LIFR: variants seen among roughly 807,000 people sequenced by gnomAD.
LIFR encodes the protein leukemia inhibitory factor receptor.
A neutral mutation model predicts 122.2 loss-of-function variants in LIFR; 84 were observed. The observed-to-expected ratio is 0.69, with a 90% CI of 0.58 to 0.82. The LOEUF (loss-of-function observed/expected upper bound fraction) is 0.82, where lower values mean the gene tolerates loss of function less well. Ranked by LOEUF, LIFR falls within the 40% of genes least tolerant of loss-of-function variation. LIFR has a pLI of 0.00. For missense variants in LIFR, 1,294 were observed against 1,311.6 expected (o/e 0.99, Z 0.21); for synonymous variants, 422 against 434.7 (o/e 0.97, Z 0.36).
chr5:38,545,350 ATG>A (rs112421759), intron 1 of LIFR, among the ~76,000 whole-genome samples: 3,700 of 151,492 alleles, frequency 0.024, 64 homozygotes, highest in Middle Eastern at 0.034. Flanking sequence ...ACATAAATAT[ATG>A]TGTGTGTGTG....
At chr5:38,578,100 T>C (rs1749445592) in intron 1 of LIFR, among the ~76,000 whole-genome samples, 1 of 152,198 alleles carries the variant, frequency 6.6e-6, no homozygotes. Flanking sequence ...TAGTTTAAAA[T>C]TCAGATTCCT....
chr5:38,556,333 C>G lies in LIFR; in HGVS notation c.-20+1G>C, dbSNP rs1295617760. The G allele has an allele frequency of 6.6e-6, 1 of 152,162 alleles. No individual in the cohort carries two copies. The highest frequency in any genetic ancestry group is 1.5e-5 in the Non-Finnish European group (1 of 68,200). The allele number at this position is 152,162 out of a possible 1,614,324, so 9.4% of individuals were successfully genotyped here. On this transcript the variant is annotated splice_donor_variant, in intron 1 of 19. Transcript: ENST00000453190. LOFTEE classifies it low-confidence loss of function (5UTR_SPLICE). ...CGCGCCCACCCGCCCCCAGGACTCA[C>G]GGTACGCTCCCGCGCCGCTATCTTG...
Position 38,478,989 on chromosome 5 carries a change from C to A in LIFR, c.*2606G>T, listed in dbSNP as rs1743849065. The A allele has an allele frequency of 8.7e-6, 2 of 231,196 alleles. No homozygotes were observed. The highest frequency in any genetic ancestry group is 1.7e-5 in the Non-Finnish European group (2 of 116,768). 14.3% of individuals were successfully genotyped at this position (231,196 alleles called of 1,614,324 possible). A position where few individuals can be genotyped will look rare whatever the true frequency, so the allele number is the denominator to read the frequency against. Reference sequence around the variant, plus strand: ...ACAGAGCACAATCAGTATGAGACCACCTTGTAAATGCAGGCATGCAACCTT... The same window carrying A: ...ACAGAGCACAATCAGTATGAGACCAACTTGTAAATGCAGGCATGCAACCTT... On this transcript the variant is annotated 3_prime_UTR_variant, in exon 20 of 20. Transcript: ENST00000453190.
intron 6 of LIFR, 62 bp from the exon 7 acceptor site, chr5:38,510,780 G>A: frequency 7.1e-7 from 1 of 1,401,108 alleles, no homozygotes; most frequent in Non-Finnish European, 9.9e-7. Context: ...AAACTTTTCT[G>A]CATTTTAAGA....
At chr5:38,561,779 A>C (rs1193895768) in intron 1 of LIFR, among the ~76,000 whole-genome samples, 1 of 152,232 alleles carries the variant, frequency 6.6e-6, no homozygotes, top group Non-Finnish European at 1.5e-5. Flanking sequence ...TTAGAGAATT[A>C]TGAGGAGTAA....
chr5:38,490,095 C>T lies in LIFR; in HGVS notation c.2167+95G>A, dbSNP rs1744500106. On this transcript the variant is annotated intron_variant, in intron 15 of 19. Transcript: ENST00000453190. ...ATTATTTTACCTTCCTTCAATTATA[C>T]ATCTTATTTTTAGAATTCAATCATA... The T allele has an allele frequency of 2.9e-5, 11 of 383,380 alleles. 1 individual carries two copies. In the South Asian group the frequency reaches 3.4e-4, roughly 12 times the overall value. 23.7% of individuals were successfully genotyped at this position (383,380 alleles called of 1,614,324 possible). A position where few individuals can be genotyped will look rare whatever the true frequency, so the allele number is the denominator to read the frequency against.
chr5:38,602,882 A>G (rs1184468447), intron 2 of LIFR, among the ~76,000 whole-genome samples: 1 of 152,142 alleles, frequency 6.6e-6, no homozygotes, highest in Non-Finnish European at 1.5e-5. Flanking sequence ...GCATGCAGAC[A>G]CCTGGGAAAA....
At chr5:38,490,438 G>C in intron 14 of LIFR, 147 bp from the exon 15 acceptor site, 1 of 430,050 alleles carries the variant, frequency 2.3e-6, no homozygotes, top group Non-Finnish European at 4.2e-6. Flanking sequence ...ATATTTTAAA[G>C]ACTAGTAAAT....
At position 38,490,233 on chromosome 5, in the gene LIFR, T is replaced by G; in HGVS notation, c.2124A>C (p.Gly708=). 1 of 1,585,482 alleles carries G rather than the reference T, an allele frequency of 6.3e-7. No homozygotes were observed. ...CAATCATGGAGCGTAATAATTGATA[T>G]CCTTGATTTCTGCATCCATACAGGA... ...NFFLYGCRNQ[G]YQLLRSMIGY... Residue 708 remains glycine, a synonymous_variant, in exon 15 of 20, where the codon GGA becomes GGC. Transcript: ENST00000453190.
chr5:38,502,725 T>G lies in LIFR; in HGVS notation c.1512A>C (p.Leu504=), dbSNP rs1239365534. ...TAGAACAACGAATCCGAAAAGTATA[T>G]AGAGTGTATGGATTTAACTTGTCCA... is the stretch of plus-strand genomic sequence containing the variant. ...VALDKLNPYT[L]YTFRIRCSTE... is the part of the protein sequence containing the mutation. The change falls in exon 11 of 20, where the codon CTA becomes CTC. Residue 504 remains leucine (L), a synonymous_variant. Coordinates refer to ENST00000453190, the MANE Select transcript of LIFR (RefSeq NM_001127671.2). 1.9e-6 allele frequency: 3 copies of G among 1,610,942 alleles called. No individual in the cohort carries two copies. The highest frequency in any genetic ancestry group is 1.3e-5 in the African/African-American group (1 of 74,990).
Position 38,478,888 on chromosome 5 carries a change from A to C in LIFR, c.*2707T>G, listed in dbSNP as rs1208823010. On this transcript the variant is annotated 3_prime_UTR_variant, in exon 20 of 20. Coordinates refer to ENST00000453190, the MANE Select transcript of LIFR (RefSeq NM_001127671.2). ...TATTTTCCCAGTTAGTAAGGGCTGG[A>C]GAGAACACATCTAGCCTCTGCTTCT... 4.4e-6 allele frequency: 1 copy of C among 228,152 alleles called. No individual in the cohort carries two copies. The highest frequency in any genetic ancestry group is 5.7e-5 in the Admixed American group (1 of 17,612). 14.1% of individuals were successfully genotyped at this position (228,152 alleles called of 1,614,324 possible).
intron 1 of LIFR, among the ~76,000 whole-genome samples, chr5:38,535,983 C>A (rs1214530175): frequency 2.0e-5 from 3 of 152,044 alleles, no homozygotes; most frequent in Non-Finnish European, 4.4e-5. Context: ...CTCTGAAAAC[C>A]GTTAGTTCAA....
intron 1 of LIFR, chr5:38,594,940 A>T (rs1213843799): frequency 5.0e-6 from 1 of 198,734 alleles, no homozygotes; most frequent in Non-Finnish European, 1.0e-5. Flanking sequence ...GCGGTGCAGA[A>T]ACTGTACAAC....
upstream of LIFR, among the ~76,000 whole-genome samples, chr5:38,561,186 C>T (rs972180739): frequency 2.6e-5 from 4 of 152,214 alleles, no homozygotes; most frequent in East Asian, 1.9e-4. Context: ...CTTACCTGAG[C>T]GATACTCACA....
At chr5:38,561,353 C>T (rs774293228), upstream of LIFR, among the ~76,000 whole-genome samples, 7 of 151,966 alleles carry the variant, frequency 4.6e-5, no homozygotes, top group Non-Finnish European at 8.8e-5. Flanking sequence ...TTTTGTTTTC[C>T]CTAGCCTTTG....
chr5:38,496,888 A>G (rs1744912125), intron 12 of LIFR, among the ~76,000 whole-genome samples: 1 of 152,058 alleles, frequency 6.6e-6, no homozygotes, highest in Admixed American at 6.5e-5. Flanking sequence ...GAGGCAGGAC[A>G]ATCACTTGAA....
Position 38,523,582 on chromosome 5 carries a change from G to T in LIFR, c.398C>A (p.Ser133Tyr). 1 of 1,610,644 alleles carries T rather than the reference G, an allele frequency of 6.2e-7. No homozygotes were observed. Among genetic ancestry groups the T allele is most frequent in the Non-Finnish European group, 8.5e-7 (1 of 1,177,080 alleles). Residue 133 changes from serine to tyrosine, a missense_variant and splice_region_variant, in exon 5 of 20, where the codon TCC becomes TAC. Ser to Tyr is a moderately radical substitution (Grantham distance 144, BLOSUM62 -2). Coordinates refer to ENST00000453190, the MANE Select transcript of LIFR (RefSeq NM_001127671.2). ...SKFTLNEQNVSLIPDTPEILN... is the reference protein window; with the variant it reads ...SKFTLNEQNVYLIPDTPEILN... The stretch of plus-strand genomic sequence containing the variant: ...GATCTCTGGAGTATCTGGAATTAAG[G>T]CTTTAAAAAGAGGAAACAAAAGAGA...
chr5:38,586,964 T>G (rs6451391), intron 1 of LIFR, among the ~76,000 whole-genome samples: 5,820 of 152,270 alleles, frequency 0.038, 368 homozygotes, highest in African/African-American at 0.13. Flanking sequence ...GTGTTATTAA[T>G]AATAGCCACC....
Position 38,493,620 on chromosome 5 carries a change from G to C in LIFR, c.2051C>G (p.Thr684Ser), listed in dbSNP as rs767530602. ...WRKVPSNSTETVIESDEFRPG... is the reference protein window; with the variant it reads ...WRKVPSNSTESVIESDEFRPG... ...ATTCATCTTACCAGATTCTATTACAGTTTCAGTGCTGTTTGAGGGAACTTT... is the reference window on the plus strand; with the variant it reads ...ATTCATCTTACCAGATTCTATTACACTTTCAGTGCTGTTTGAGGGAACTTT... The change falls in exon 14 of 20, where the codon ACT becomes AGT. Residue 684 changes from threonine to serine, a missense_variant. Physicochemically the swap from Thr to Ser is moderately conservative, Grantham distance 58 (BLOSUM62 1). Transcript: ENST00000453190. The C allele has an allele frequency of 3.7e-6, 6 of 1,613,808 alleles. No individual in the cohort carries two copies. The highest frequency in any genetic ancestry group is 1.7e-5 in the Admixed American group (1 of 59,998).
Sources: gnomAD v4.1 joint callset for allele counts (sites outside exome capture counted in the v4.1 genomes callset) on GRCh38, gnomAD v4.1.1 for gene constraint, MANE v1.5 for transcripts, NCBI Gene and HGNC (gene_info 2026-07-23, HGNC 2026-07-21) for gene names.